PKD1L1: variants seen among roughly 807,000 people sequenced by gnomAD.
The protein encoded by PKD1L1 is polycystin-1-like protein 1.
Under a neutral mutation model 323.4 loss-of-function variants are expected in PKD1L1, and 236 were observed. The observed-to-expected ratio is 0.73, with a 90% CI of 0.66 to 0.81. The LOEUF is 0.81. PKD1L1 is among the 40% of genes least tolerant of loss of function. The probability of loss-of-function intolerance (pLI) is 0.00; values close to 1 mark genes in which losing one functional copy is unlikely to be tolerated. For missense variants in PKD1L1, 3,320 were observed against 3,508.0 expected, an observed-to-expected ratio of 0.95 and a Z score of 1.35; for synonymous variants, 1,344 against 1,335.0, an observed-to-expected ratio of 1.01 and a Z score of -0.15.
At chr7:47,906,197 C>CA (rs1163274468) in intron 9 of PKD1L1, among the ~76,000 whole-genome samples, 1 of 152,230 alleles carries the variant, frequency 6.6e-6, no homozygotes, top group African/African-American at 2.4e-5. Context: ...GAACTCCCTG[C>CA]ATGGTATTAA....
chr7:47,830,925 T>A (rs1038394051), intron 42 of PKD1L1, among the ~76,000 whole-genome samples: 1 of 152,234 alleles, frequency 6.6e-6, no homozygotes, highest in African/African-American at 2.4e-5. Flanking sequence ...TCAGGAGCTC[T>A]GCAGCTGGGT....
At chr7:47,869,315 A>G (rs1428089158) in intron 24 of PKD1L1, among the ~76,000 whole-genome samples, 1 of 152,206 alleles carries the variant, frequency 6.6e-6, no homozygotes, top group African/African-American at 2.4e-5. Context: ...ACCAAAAGGC[A>G]GAGATTGTAA....
intron 14 of PKD1L1, 94 bp from the exon 15 acceptor site, chr7:47,894,153 G>A (rs993256444): frequency 9.9e-6 from 12 of 1,214,788 alleles, no homozygotes; most frequent in Admixed American, 2.6e-5. Flanking sequence ...AAAGGAAGCC[G>A]ACGAGTCTCA....
At chr7:47,903,940 A>C (rs1413726592) in intron 12 of PKD1L1, among the ~76,000 whole-genome samples, 1 of 152,166 alleles carries the variant, frequency 6.6e-6, no homozygotes, top group Non-Finnish European at 1.5e-5. Flanking sequence ...ATATGACATC[A>C]AGGCCCTTCA....
chr7:47,817,877 A>C (rs903342161), intron 46 of PKD1L1: 22 of 502,038 alleles, frequency 4.4e-5, no homozygotes, highest in Non-Finnish European at 6.4e-5. Flanking sequence ...CTCAAAAAAA[A>C]AATTTCCATA....
intron 25 of PKD1L1, 43 bp downstream of exon 25, chr7:47,866,376 T>C (rs755073415): frequency 3.2e-6 from 5 of 1,579,240 alleles, no homozygotes; most frequent in Non-Finnish European, 4.3e-6. Context: ...TGCCACTTGA[T>C]AAAGGTTTAC....
intron 26 of PKD1L1, among the ~76,000 whole-genome samples, chr7:47,864,506 C>T (rs936581878): frequency 5.9e-5 from 9 of 152,124 alleles, no homozygotes; most frequent in East Asian, 1.9e-4. Context: ...ATGGATAGTA[C>T]GTGTTCTCAT....
intron 26 of PKD1L1, among the ~76,000 whole-genome samples, chr7:47,859,748 C>G (rs1013942009): frequency 2.0e-5 from 3 of 151,896 alleles, no homozygotes; most frequent in African/African-American, 7.3e-5. Flanking sequence ...GCCTCAGCCT[C>G]CCGAGTAGCT....
chr7:47,923,064 T>C (rs1787585678), intron 7 of PKD1L1, among the ~76,000 whole-genome samples: 1 of 152,172 alleles, frequency 6.6e-6, no homozygotes, highest in South Asian at 2.1e-4. Flanking sequence ...ACATGTGCTG[T>C]GTCCACTAAG....
intron 46 of PKD1L1, among the ~76,000 whole-genome samples, chr7:47,815,971 G>A (rs1360153433): frequency 6.6e-6 from 1 of 152,190 alleles, no homozygotes; most frequent in African/African-American, 2.4e-5. Flanking sequence ...GGTGGAGCCC[G>A]TGGTCATCTG....
At position 47,835,150 on chromosome 7, in the gene PKD1L1, G is replaced by A. The variant is rs1016087428; in HGVS notation, c.6037C>T (p.Leu2013Phe). 6.3e-7 allele frequency: 1 copy of A among 1,599,226 alleles called. No homozygotes were observed. The highest frequency in any genetic ancestry group is 8.5e-7 in the Non-Finnish European group (1 of 1,172,614). ...GCAGGTACCTTGCTGAGCCTGAAGA[G>A]CAGGGACAAGAGCTGGGCCCCTGGA... ...ASPGAQLLSL[L>F]FRLSKEAPGS... The change falls in exon 38 of 57, where the codon CTC (leucine) becomes TTC (phenylalanine). Residue 2013 changes from leucine to phenylalanine, a missense_variant. Leu to Phe is a conservative substitution (Grantham distance 22, BLOSUM62 0). Transcript: ENST00000289672.
chr7:47,818,045 T>A, intron 46 of PKD1L1: 2 of 1,367,614 alleles, frequency 1.5e-6, no homozygotes, highest in Non-Finnish European at 2.0e-6. Flanking sequence ...TGGGTGCTGG[T>A]TCTTAACTCT....
In PKD1L1 at chr7:47,870,225, G is replaced by A. The variant is rs182236604; in HGVS notation, c.3897-3611C>T. On this transcript the variant is annotated intron_variant, in intron 24 of 56. Coordinates refer to ENST00000289672, the MANE Select transcript of PKD1L1 (RefSeq NM_138295.5). ...AAGTAAACCAGAGCAAGTACAAGGC[G>A]GGGAAAAAAAGAATAAAAATTAGTG... Among the ~76,000 whole-genome samples, 604 of 151,600 alleles carry A rather than the reference G, an allele frequency of 4.0e-3. 3 individuals carry two copies. Among genetic ancestry groups the A allele is most frequent in the Non-Finnish European group, 6.4e-3 (432 of 67,870 alleles).
At chr7:47,854,849 C>A in intron 30 of PKD1L1, 33 bp downstream of exon 30, 2 of 1,606,200 alleles carry the variant, frequency 1.2e-6, no homozygotes, top group South Asian at 2.2e-5. Context: ...ATGTCTTACT[C>A]CAATCTCATT....
chr7:47,807,864 T>G (rs1157127647), intron 52 of PKD1L1, among the ~76,000 whole-genome samples: 1 of 152,190 alleles, frequency 6.6e-6, no homozygotes, highest in African/African-American at 2.4e-5. Flanking sequence ...GCAGAGTGGC[T>G]AATACTGCCT....
In PKD1L1 at chr7:47,943,415, AG is replaced by A. The variant is rs1288266722; in HGVS notation, c.140del (p.Pro47LeufsTer17). ...WGLHLCSCSP[P>X]GGGLWVEVYA... ...CCTTACCGACCCACAATCCACCTCC[AG>A]GAGGGCTACAGCTGCACAGATGAAG... On this transcript the variant is annotated frameshift_variant, in exon 2 of 57. Coordinates refer to ENST00000289672, the MANE Select transcript of PKD1L1 (RefSeq NM_138295.5). LOFTEE classifies it high-confidence loss of function. The A allele has an allele frequency of 6.2e-7, 1 of 1,613,196 alleles. No homozygotes were observed. Among genetic ancestry groups the A allele is most frequent in the Non-Finnish European group, 8.5e-7 (1 of 1,179,540 alleles).
chr7:47,944,296 T>C (rs1470394865), intron 1 of PKD1L1, among the ~76,000 whole-genome samples: 5 of 152,122 alleles, frequency 3.3e-5, no homozygotes, highest in African/African-American at 1.2e-4. Context: ...TGTCGCCATG[T>C]GATGCACCTG....
In PKD1L1 at chr7:47,813,325, G is replaced by C. The variant is rs112171901; in HGVS notation, c.7174-32C>G. ...AACAAACCAGCAGTCAGAAGACACA[G>C]ATACTATTCCCAAGGCTACCCTGCA... On this transcript the variant is annotated intron_variant, in intron 48 of 56. Transcript: ENST00000289672. 2.3e-5 allele frequency: 37 copies of C among 1,611,468 alleles called. No homozygotes were observed. The African/African-American group carries it at 2.8e-4, about 12-fold the overall frequency.
At position 47,847,647 on chromosome 7, in the gene PKD1L1, G is replaced by A. The variant is rs113181127; in HGVS notation, c.4961-576C>T. 3.2e-3 allele frequency among the ~76,000 whole-genome samples: 486 copies of A among 152,152 alleles called. 7 individuals carry two copies. Among genetic ancestry groups the A allele is most frequent in the African/African-American group, 0.011 (471 of 41,482 alleles). On this transcript the variant is annotated intron_variant, in intron 31 of 56. Coordinates refer to ENST00000289672, the MANE Select transcript of PKD1L1 (RefSeq NM_138295.5). Reference sequence around the variant, plus strand: ...ATTGCCCAAGACTTTTTAATAAGTGGTGTTGGGACAACTAGACATTAGCCC... The same window carrying A: ...ATTGCCCAAGACTTTTTAATAAGTGATGTTGGGACAACTAGACATTAGCCC...
Sources: gnomAD v4.1 joint callset for allele counts (sites outside exome capture counted in the v4.1 genomes callset) on GRCh38, gnomAD v4.1.1 for gene constraint, MANE v1.5 for transcripts, NCBI Gene and HGNC (gene_info 2026-07-23, HGNC 2026-07-21) for gene names.